Variants in PRSS21 observed in about 807,000 individuals in gnomAD.
PRSS21 encodes the protein testisin.
Under a neutral mutation model 31.1 loss-of-function variants are expected in PRSS21, and 40 were observed. The observed-to-expected ratio is 1.29, with a 90% CI of 1.00 to 1.68. The LOEUF (loss-of-function observed/expected upper bound fraction) is 1.68. PRSS21 is among the 40% of genes most tolerant of loss of function. The pLI, the probability that PRSS21 is intolerant of heterozygous loss-of-function variation, is 0.00. For missense variants in PRSS21, 467 were observed against 412.6 expected, an observed-to-expected ratio of 1.13 and a Z score of -1.14; for synonymous variants, 186 against 167.7, an observed-to-expected ratio of 1.11 and a Z score of -0.84.
At position 2,817,943 on chromosome 16, in the gene PRSS21, CACG is replaced by C; in HGVS notation, c.235_237del (p.Thr79del). The C allele has an allele frequency of 6.5e-7, 1 of 1,549,136 alleles. No individual in the cohort carries two copies. The highest frequency in any genetic ancestry group is 1.2e-5 in the South Asian group (1 of 84,026). ...GCCTGCTCAGCCACCGCTGGGCACTCACGGCGGCGCACTGCTTTGAAACGTGAG... is the reference window on the plus strand; with the variant it reads ...GCCTGCTCAGCCACCGCTGGGCACTCGCGGCGCACTGCTTTGAAACGTGAG... On this transcript the variant is annotated inframe_deletion, in exon 3 of 6. Transcript: ENST00000005995. The surrounding 1 kb of genome is among the most constrained non-coding windows in gnomAD (Gnocchi z 4.2).
chr16:2,817,460 G>A lies in PRSS21; in HGVS notation c.91+4G>A, dbSNP rs1285640198. ...CAGGAGGCGGCGCCGTTATCAGGTA[G>A]GGCGCCCAGGACGCGCGATTCCTGC... On this transcript the variant is annotated splice_donor_region_variant and intron_variant, in intron 2 of 5. Transcript: ENST00000005995. The surrounding 1 kb of genome is among the most constrained non-coding windows in gnomAD (Gnocchi z 4.2). The A allele has an allele frequency of 3.1e-6, 5 of 1,588,448 alleles. No individual in the cohort carries two copies. Among genetic ancestry groups the A allele is most frequent in the African/African-American group, 1.4e-5 (1 of 73,974 alleles).
At position 2,817,503 on chromosome 16, in the gene PRSS21, G is replaced by A. The variant is rs1442007620; in HGVS notation, c.91+47G>A. ...ATTCCTGCCAGGGCCGTTGGGCCGA[G>A]GTGGACGGGGGGCGGTGAGGGGGTA... On this transcript the variant is annotated intron_variant, in intron 2 of 5. Transcript: ENST00000005995. The surrounding 1 kb of genome is among the most constrained non-coding windows in gnomAD (Gnocchi z 4.2). The A allele has an allele frequency of 1.2e-5, 18 of 1,499,794 alleles. No individual in the cohort carries two copies. The highest frequency in any genetic ancestry group is 1.6e-5 in the Non-Finnish European group (18 of 1,129,308). The allele number at this position is 1,499,794 out of a possible 1,614,324, so 92.9% of individuals were successfully genotyped here.
chr16:2,818,802 C>G lies in PRSS21; in HGVS notation c.383C>G (p.Pro128Arg). 6.2e-7 allele frequency: 1 copy of G among 1,613,770 alleles called. No individual in the cohort carries two copies. The highest frequency in any genetic ancestry group is 8.5e-7 in the Non-Finnish European group (1 of 1,179,626). The change falls in exon 4 of 6, where the codon CCT (proline) becomes CGT (arginine). Residue 128 changes from proline (P) to arginine (R), a missense_variant. Pro to Arg is a moderately radical substitution (Grantham distance 103). Coordinates refer to ENST00000005995, the MANE Select transcript of PRSS21 (RefSeq NM_006799.4). ...RYFVSNIYLS[P>R]RYLGNSPYDI... Reference sequence around the variant, plus strand: ...TTCGTATCGAATATCTATCTGAGCCCTCGCTACCTGGGGAATTCACCCTAT... The same window carrying G: ...TTCGTATCGAATATCTATCTGAGCCGTCGCTACCTGGGGAATTCACCCTAT...
Position 2,821,088 on chromosome 16 carries a change from A to G in PRSS21, c.684A>G (p.Gln228=), listed in dbSNP as rs145330052. Residue 228 remains glutamine, a synonymous_variant, in exon 5 of 6, where the codon CAA becomes CAG. Transcript: ENST00000005995. ...FGDMVCAGNA[Q]GGKDACFGDS... is the part of the protein sequence containing the mutation. ...ACATGGTTTGTGCTGGCAATGCCCAAGGCGGGAAGGATGCCTGCTTCGTGA... is the reference window on the plus strand; with the variant it reads ...ACATGGTTTGTGCTGGCAATGCCCAGGGCGGGAAGGATGCCTGCTTCGTGA... 603 of 1,614,010 alleles carry G rather than the reference A, an allele frequency of 3.7e-4. No individual in the cohort carries two copies. The highest frequency in any genetic ancestry group is 5.0e-4 in the Non-Finnish European group (590 of 1,180,038).
At position 2,817,562 on chromosome 16, in the gene PRSS21, C is replaced by G; in HGVS notation, c.91+106C>G. Reference sequence around the variant, plus strand: ...CCTTTACTGCTCTCTCGCCCCCGCCCCCGGGATCGAGAACTCTGTTGGCGT... The same window carrying G: ...CCTTTACTGCTCTCTCGCCCCCGCCGCCGGGATCGAGAACTCTGTTGGCGT... On this transcript the variant is annotated intron_variant, in intron 2 of 5. Coordinates refer to ENST00000005995, the MANE Select transcript of PRSS21 (RefSeq NM_006799.4). This position sits in a 1 kb window ranked among gnomAD's most constrained non-coding sequence, Gnocchi z 4.2. 2.1e-6 allele frequency: 3 copies of G among 1,432,862 alleles called. No homozygotes were observed. The highest frequency in any genetic ancestry group is 1.8e-6 in the Non-Finnish European group (2 of 1,081,962). 88.8% of individuals were successfully genotyped at this position (1,432,862 alleles called of 1,614,324 possible).
Position 2,817,563 on chromosome 16 carries a change from C to G in PRSS21, c.91+107C>G, listed in dbSNP as rs1037729375. ...CTTTACTGCTCTCTCGCCCCCGCCC[C>G]CGGGATCGAGAACTCTGTTGGCGTG... On this transcript the variant is annotated intron_variant, in intron 2 of 5. Transcript: ENST00000005995. The surrounding 1 kb of genome is among the most constrained non-coding windows in gnomAD (Gnocchi z 4.2). 7.0e-6 allele frequency: 10 copies of G among 1,433,510 alleles called. No individual in the cohort carries two copies. The highest frequency in any genetic ancestry group is 9.2e-6 in the Non-Finnish European group (10 of 1,082,712). The allele number at this position is 1,433,510 out of a possible 1,614,324, so 88.8% of individuals were successfully genotyped here.
Position 2,818,068 on chromosome 16 carries a change from G to C in PRSS21, c.257+102G>C, listed in dbSNP as rs111779368. On this transcript the variant is annotated intron_variant, in intron 3 of 5. Coordinates refer to ENST00000005995, the MANE Select transcript of PRSS21 (RefSeq NM_006799.4). ...CTGGTCTGATGCCAGACTTGGGCGTGAAAGTTGTGCGTGGATGCGGCCTGG... is the reference window on the plus strand; with the variant it reads ...CTGGTCTGATGCCAGACTTGGGCGTCAAAGTTGTGCGTGGATGCGGCCTGG... The C allele has an allele frequency of 5.4e-3, 7,645 of 1,404,270 alleles. 321 individuals are homozygous for C. In the African/African-American group the frequency reaches 0.095, roughly 17 times the overall value. 87.0% of individuals were successfully genotyped at this position (1,404,270 alleles called of 1,614,324 possible). A position where few individuals can be genotyped will look rare whatever the true frequency, so the allele number is the denominator to read the frequency against.
rs751794213 is a variant in PRSS21, at chr16:2,818,883, C to T, written c.464C>T (p.Pro155Leu). The change falls in exon 4 of 6, where the codon CCC becomes CTC. Residue 155 changes from proline (P) to leucine (L), a missense_variant. By Grantham distance (98) the Pro-to-Leu change is moderately conservative. Coordinates refer to ENST00000005995, the MANE Select transcript of PRSS21 (RefSeq NM_006799.4). ...APVTYTKHIQ[P>L]ICLQASTFEF... ...GTCACCTACACTAAACACATCCAGC[C>T]CATCTGTCTCCAGGCCTCCACATTT... 6.8e-6 allele frequency: 11 copies of T among 1,614,114 alleles called. No homozygotes were observed. In the Middle Eastern group the frequency reaches 8.2e-4, roughly 121 times the overall value.
In PRSS21 at chr16:2,821,063, A is replaced by T; in HGVS notation, c.659A>T (p.Asp220Val). 6.2e-7 allele frequency: 1 copy of T among 1,614,118 alleles called. No individual in the cohort carries two copies. Among genetic ancestry groups the T allele is most frequent in the South Asian group, 1.1e-5 (1 of 91,084 alleles). Residue 220 changes from aspartate to valine, a missense_variant, in exon 5 of 6, where the codon GAC (aspartate) becomes GTC (valine). Asp to Val is a radical substitution (Grantham distance 152). Transcript: ENST00000005995. ...AGTTTCCGCAAGGACATCTTTGGAG[A>T]CATGGTTTGTGCTGGCAATGCCCAA... is the stretch of plus-strand genomic sequence containing the variant. ...KYSFRKDIFGDMVCAGNAQGG... is the reference protein window; with the variant it reads ...KYSFRKDIFGVMVCAGNAQGG...
chr16:2,821,649 C>T lies in PRSS21; in HGVS notation c.*44C>T. ...AGCCTGGGGCCACTGCCAAGTCAGG[C>T]CCTGGTTCTCTTCTGTCTTGTTTGG... On this transcript the variant is annotated 3_prime_UTR_variant, in exon 6 of 6. Transcript: ENST00000005995. 1 of 1,588,082 alleles carries T rather than the reference C, an allele frequency of 6.3e-7. No individual in the cohort carries two copies. Among genetic ancestry groups the T allele is most frequent in the Non-Finnish European group, 8.6e-7 (1 of 1,166,354 alleles).
At chr16:2,818,370 C>T (rs2069115101) in intron 3 of PRSS21, among the ~76,000 whole-genome samples, 1 of 152,228 alleles carries the variant, frequency 6.6e-6, no homozygotes, top group African/African-American at 2.4e-5. Context: ...CCTGCCAATC[C>T]CACATTGGCG....
chr16:2,817,463 C>T lies in PRSS21; in HGVS notation c.91+7C>T. 1 of 1,575,902 alleles carries T rather than the reference C, an allele frequency of 6.3e-7. No individual in the cohort carries two copies. The highest frequency in any genetic ancestry group is 8.5e-7 in the Non-Finnish European group (1 of 1,170,758). The stretch of plus-strand genomic sequence containing the variant: ...GAGGCGGCGCCGTTATCAGGTAGGG[C>T]GCCCAGGACGCGCGATTCCTGCCAG... On this transcript the variant is annotated splice_region_variant and intron_variant, in intron 2 of 5. Transcript: ENST00000005995. The surrounding 1 kb of genome is among the most constrained non-coding windows in gnomAD (Gnocchi z 4.2).
Position 2,821,503 on chromosome 16 carries a change from C to A in PRSS21, c.843C>A (p.Ile281=). The change falls in exon 6 of 6, where the codon ATC becomes ATA. Residue 281 remains isoleucine, a synonymous_variant. Coordinates refer to ENST00000005995, the MANE Select transcript of PRSS21 (RefSeq NM_006799.4). Reference sequence around the variant, plus strand: ...ATATCAGCCACCACTTTGAGTGGATCCAGAAGCTGATGGCCCAGAGTGGCA... The same window carrying A: ...ATATCAGCCACCACTTTGAGTGGATACAGAAGCTGATGGCCCAGAGTGGCA... ...YTNISHHFEW[I]QKLMAQSGMS... 1 of 1,614,238 alleles carries A rather than the reference C, an allele frequency of 6.2e-7. No homozygotes were observed. The highest frequency in any genetic ancestry group is 8.5e-7 in the Non-Finnish European group (1 of 1,180,038).
At chr16:2,818,654 A>G (rs564878681) in intron 3 of PRSS21, 23 bp from the exon 4 acceptor site, 99 of 1,609,320 alleles carry the variant, frequency 6.2e-5, no homozygotes, top group Non-Finnish European at 7.8e-5. Context: ...AGGGCCCCTG[A>G]CTGCTCTCTT....
At chr16:2,820,583 A>T (rs1471851651) in intron 4 of PRSS21, among the ~76,000 whole-genome samples, 1 of 152,096 alleles carries the variant, frequency 6.6e-6, no homozygotes, top group Non-Finnish European at 1.5e-5. Flanking sequence ...CCAGGGCTGC[A>T]GCCAGGCTGC....
chr16:2,821,035 TAC>T lies in PRSS21; in HGVS notation c.633_634del (p.Tyr211Ter), dbSNP rs749563541. ...TATGTGCAACCACCTCTTCCTCAAG[TAC>T]AGTTTCCGCAAGGACATCTTTGGAG... ...NSMCNHLFLKYSFRKDIFGDM... is the reference protein window; with the variant it reads ...NSMCNHLFLKXSFRKDIFGDM... On this transcript the variant is annotated frameshift_variant, in exon 5 of 6. Coordinates refer to ENST00000005995, the MANE Select transcript of PRSS21 (RefSeq NM_006799.4). LOFTEE classifies it high-confidence loss of function. 5.8e-5 allele frequency: 93 copies of T among 1,614,026 alleles called. No individual in the cohort carries two copies. The highest frequency in any genetic ancestry group is 1.6e-4 in the Middle Eastern group (1 of 6,084).
At chr16:2,819,789 G>A (rs1433324128) in intron 4 of PRSS21, among the ~76,000 whole-genome samples, 2 of 152,214 alleles carry the variant, frequency 1.3e-5, no homozygotes, top group Non-Finnish European at 2.9e-5. Flanking sequence ...TGAGAAAACT[G>A]AGAGGGTTAT....
rs1439792757 is a variant in PRSS21 at position 2,818,887 on chromosome 16, C to T, written c.468C>T (p.Ile156=). The change falls in exon 4 of 6, where the codon ATC becomes ATT. Residue 156 remains isoleucine, a synonymous_variant. Coordinates refer to ENST00000005995, the MANE Select transcript of PRSS21 (RefSeq NM_006799.4). ...CCTACACTAAACACATCCAGCCCAT[C>T]TGTCTCCAGGCCTCCACATTTGAGT... The part of the protein sequence containing the change: ...PVTYTKHIQP[I]CLQASTFEFE... The T allele has an allele frequency of 6.2e-7, 1 of 1,614,246 alleles. No homozygotes were observed. Among genetic ancestry groups the T allele is most frequent in the Non-Finnish European group, 8.5e-7 (1 of 1,180,034 alleles).
At chr16:2,821,278 A>C in intron 5 of PRSS21, 88 bp from the exon 6 acceptor site, 1 of 1,556,894 alleles carries the variant, frequency 6.4e-7, no homozygotes. Flanking sequence ...CACCCAGTCT[A>C]CCCAGCCCCA....
Sources: gnomAD v4.1 joint callset for allele counts (sites outside exome capture counted in the v4.1 genomes callset) on GRCh38, gnomAD v4.1.1 for gene constraint, Gnocchi (gnomAD v3.1) non-coding constraint, MANE v1.5 for transcripts, NCBI Gene and HGNC (gene_info 2026-07-23, HGNC 2026-07-21) for gene names.